ZSCAN32: variants seen among roughly 807,000 people sequenced by gnomAD.
ZSCAN32 encodes zinc finger and SCAN domain containing 32.
In ZSCAN32, 52 loss-of-function variants were observed where a neutral mutation model predicts 47.4. The observed-to-expected ratio is 1.10, with a 90% confidence interval of 0.88 to 1.38. The LOEUF (loss-of-function observed/expected upper bound fraction) is 1.38. ZSCAN32 is among the 40% of genes most tolerant of loss of function. The pLI is 0.00. For synonymous variants in ZSCAN32, 346 were observed against 305.7 expected (o/e 1.13, Z -1.38); for missense variants, 959 against 846.0 (o/e 1.13, Z -1.66).
At chr16:3,396,401 G>T (rs2033372262) in intron 2 of ZSCAN32, among the ~76,000 whole-genome samples, 2 of 152,152 alleles carry the variant, frequency 1.3e-5, no homozygotes, top group Admixed American at 1.3e-4. Context: ...TCCTCACTGG[G>T]AAACACAAGT....
chr16:3,382,559 G>T lies in ZSCAN32; in HGVS notation c.*293C>A. ...AGAAAGTGTTCTTGGACCACTGGGT[G>T]CCCATTCTCAGTGCTAGGAACAGGA... On this transcript the variant is annotated 3_prime_UTR_variant, in exon 7 of 7. Coordinates refer to ENST00000396852, the MANE Select transcript of ZSCAN32 (RefSeq NM_001284527.2). 1 of 263,046 alleles carries T rather than the reference G, an allele frequency of 3.8e-6. No homozygotes were observed. The allele number at this position is 263,046 out of a possible 1,614,324, so 16.3% of individuals were successfully genotyped here.
At chr16:3,391,016 A>G (rs77917383) in intron 3 of ZSCAN32, among the ~76,000 whole-genome samples, 6,155 of 152,300 alleles carry the variant, frequency 0.04, 267 homozygotes, top group African/African-American at 0.11. Context: ...CAAGTCTCCA[A>G]CTTCAAGAAT....
Position 3,397,738 on chromosome 16 carries a change from A to C in ZSCAN32, c.-181T>G. On this transcript the variant is annotated 5_prime_UTR_variant, in exon 2 of 7. Transcript: ENST00000396852. ...GCGGAAAAAAAGGGCTCAACTTTGAAGGATGTCTGAAGAGGATGGAAAAAG... is the reference window on the plus strand; with the variant it reads ...GCGGAAAAAAAGGGCTCAACTTTGACGGATGTCTGAAGAGGATGGAAAAAG... 1 of 701,008 alleles carries C rather than the reference A, an allele frequency of 1.4e-6. No individual in the cohort carries two copies. The highest frequency in any genetic ancestry group is 2.3e-6 in the Non-Finnish European group (1 of 441,394). 43.4% of individuals were successfully genotyped at this position (701,008 alleles called of 1,614,324 possible). A position where few individuals can be genotyped will look rare whatever the true frequency, so the allele number is the denominator to read the frequency against.
At position 3,393,542 on chromosome 16, in the gene ZSCAN32, C is replaced by G. The variant is rs568241384; in HGVS notation, c.532+107G>C. The G allele has an allele frequency of 2.7e-5, 31 of 1,161,250 alleles. No homozygotes were observed. The African/African-American group carries it at 3.9e-4, about 15-fold the overall frequency. The allele number at this position is 1,161,250 out of a possible 1,614,324, so 71.9% of individuals were successfully genotyped here. The stretch of plus-strand genomic sequence containing the variant: ...GCCCTGCCGGTTTTTGGATGTATTT[C>G]AAAGGCATTTAGTCTGGAACCCTTG... On this transcript the variant is annotated intron_variant, in intron 3 of 6. Coordinates refer to ENST00000396852, the MANE Select transcript of ZSCAN32 (RefSeq NM_001284527.2).
chr16:3,392,375 ATT>A (rs34506287), intron 3 of ZSCAN32, among the ~76,000 whole-genome samples: 2,889 of 129,350 alleles, frequency 0.022, 37 homozygotes, highest in African/African-American at 0.041. Flanking sequence ...AATTAAAACA[ATT>A]TTTTTTTTTT....
At chr16:3,393,514 C>G in intron 3 of ZSCAN32, 135 bp downstream of exon 3, 1 of 864,320 alleles carries the variant, frequency 1.2e-6, no homozygotes, top group Middle Eastern at 3.9e-4. Flanking sequence ...CGTGAGCCAA[C>G]ACGCCCTGCC....
chr16:3,384,059 A>T, intron 6 of ZSCAN32: 1 of 443,028 alleles, frequency 2.3e-6, no homozygotes, highest in South Asian at 3.9e-5. Flanking sequence ...AGAATAACAA[A>T]AGGCAACCCT....
chr16:3,383,798 G>T (rs2031577671), intron 6 of ZSCAN32, 87 bp from the exon 7 acceptor site: 3 of 1,310,344 alleles, frequency 2.3e-6, no homozygotes, highest in Admixed American at 5.6e-5. Flanking sequence ...CTACGTAGAA[G>T]AAATATCTAA....
At chr16:3,390,394 A>T (rs27237) in intron 4 of ZSCAN32, 29 bp downstream of exon 4, 1 of 1,534,328 alleles carries the variant, frequency 6.5e-7, no homozygotes, top group Non-Finnish European at 8.8e-7. Context: ...TGGGTACTCA[A>T]GAGACAGAAG....
chr16:3,400,834 T>A (rs995495451), intron 1 of ZSCAN32, 111 bp downstream of exon 1: 4 of 152,162 alleles, frequency 2.6e-5, no homozygotes, highest in Non-Finnish European at 5.9e-5. Flanking sequence ...GAGACGCCCA[T>A]CGGGGCCGGA....
chr16:3,382,898 T>A lies in ZSCAN32; in HGVS notation c.2048A>T (p.His683Leu). ...CTGTGATGAGAGTACTGCTTTCATGTGTACTGTCTGATGACGGGTGAGGGC... is the reference window on the plus strand; with the variant it reads ...CTGTGATGAGAGTACTGCTTTCATGAGTACTGTCTGATGACGGGTGAGGGC... ...NSALTRHQTV[H>L]MKAVLSSQEG... The change falls in exon 7 of 7, where the codon CAC becomes CTC. Residue 683 changes from histidine to leucine, a missense_variant. His to Leu is a moderately conservative substitution (Grantham distance 99). Transcript: ENST00000396852. The A allele has an allele frequency of 1.2e-6, 2 of 1,601,166 alleles. No homozygotes were observed. Among genetic ancestry groups the A allele is most frequent in the Non-Finnish European group, 1.7e-6 (2 of 1,172,844 alleles).
At chr16:3,383,904 A>T in intron 6 of ZSCAN32, 193 bp from the exon 7 acceptor site, 3 of 695,954 alleles carry the variant, frequency 4.3e-6, no homozygotes, top group Non-Finnish European at 6.7e-6. Flanking sequence ...CAGGAAAATT[A>T]TGCCCTAAAC....
chr16:3,383,760 A>G, intron 6 of ZSCAN32, 49 bp from the exon 7 acceptor site: 2 of 1,522,804 alleles, frequency 1.3e-6, no homozygotes, highest in East Asian at 2.3e-5. Context: ...AGAGAAGGAA[A>G]ACAATGGAAT....
intron 6 of ZSCAN32, 133 bp from the exon 7 acceptor site, chr16:3,383,844 T>C: frequency 1.0e-6 from 1 of 972,896 alleles, no homozygotes; most frequent in South Asian, 2.4e-5. Context: ...TCCTGCTAAT[T>C]AATAGCTTTT....
At chr16:3,387,557 C>T (rs1176388736) in intron 5 of ZSCAN32, among the ~76,000 whole-genome samples, 2 of 152,248 alleles carry the variant, frequency 1.3e-5, no homozygotes, top group African/African-American at 4.8e-5. Context: ...CTAGAGCTGT[C>T]CCAGCAAGTG....
In ZSCAN32 at chr16:3,384,657, G is replaced by A. The variant is rs769913100; in HGVS notation, c.1036C>T (p.Pro346Ser). Residue 346 changes from proline to serine, a missense_variant, in exon 6 of 7, where the codon CCT becomes TCT. Transcript: ENST00000396852. ...GGAACAGCATCGCTTGCCATAGGAGGTGCAGAGGCCCAGGAGCCTGAAAGA... is the reference window on the plus strand; with the variant it reads ...GGAACAGCATCGCTTGCCATAGGAGATGCAGAGGCCCAGGAGCCTGAAAGA... ...NALSGSWASA[P>S]PMASDAVPGQ... 2.0e-5 allele frequency: 33 copies of A among 1,614,058 alleles called. No homozygotes were observed. The highest frequency in any genetic ancestry group is 2.7e-5 in the Non-Finnish European group (32 of 1,180,044).
In ZSCAN32 at chr16:3,393,415, G is replaced by A. The variant is rs149103104; in HGVS notation, c.532+234C>T. Among the ~76,000 whole-genome samples the A allele has an allele frequency of 5.0e-3, 736 of 146,868 alleles. 6 individuals are homozygous for A. The highest frequency in any genetic ancestry group is 0.016 in the African/African-American group (649 of 39,378). ...AATTTTTTGTATTTTTAGTAGAAAC[G>A]GGGTTTCACGATGTTAGCAAGACTG... On this transcript the variant is annotated intron_variant, in intron 3 of 6. Transcript: ENST00000396852.
At chr16:3,390,539 A>G (rs1456485384) in intron 3 of ZSCAN32, 22 bp from the exon 4 acceptor site, 5 of 1,536,838 alleles carry the variant, frequency 3.3e-6, no homozygotes, top group Admixed American at 2.0e-5. Flanking sequence ...AACAGCCGCT[A>G]TTAGAGGGCG....
intron 5 of ZSCAN32, among the ~76,000 whole-genome samples, chr16:3,387,311 A>G (rs760849768): frequency 1.3e-5 from 2 of 152,164 alleles, no homozygotes; most frequent in Non-Finnish European, 2.9e-5. Flanking sequence ...TTGTAACGAT[A>G]TATCTGCCTG....
Sources: gnomAD v4.1 joint callset for allele counts (sites outside exome capture counted in the v4.1 genomes callset) on GRCh38, gnomAD v4.1.1 for gene constraint, MANE v1.5 for transcripts, NCBI Gene and HGNC (gene_info 2026-07-23, HGNC 2026-07-21) for gene names.